The following SOD2 variants were observed in gnomAD, a reference collection of about 807,000 sequenced individuals.
SOD2 encodes the protein superoxide dismutase [Mn], mitochondrial.
Under a neutral mutation model 27.0 loss-of-function variants are expected in SOD2, and 11 were observed. The observed-to-expected ratio is 0.41, with a 90% CI of 0.26 to 0.67. SOD2 has a LOEUF of 0.67. Among genes scored for constraint, SOD2 ranks in the 30% least tolerant of loss-of-function variants. The pLI is 0.34. For synonymous variants in SOD2, 105 were observed against 103.0 expected (o/e 1.02, Z -0.12); for missense variants, 250 against 274.5 (o/e 0.91, Z 0.63).
rs1779809697 is a variant in SOD2, at chr6:159,677,773, C to T, written c.*4720G>A. On this transcript the variant is annotated 3_prime_UTR_variant, in exon 5 of 5. Coordinates refer to ENST00000538183, the MANE Select transcript of SOD2 (RefSeq NM_000636.4). ...AGCTGGGATGATAGGTGTGAGTAAC[C>T]ACAACCAGCTATTATGAGAAATATA... 1 of 152,102 alleles carries T rather than the reference C, an allele frequency of 6.6e-6. No homozygotes were observed. The highest frequency in any genetic ancestry group is 1.5e-5 in the Non-Finnish European group (1 of 68,038). The allele number at this position is 152,102 out of a possible 1,614,324, so 9.4% of individuals were successfully genotyped here.
At chr6:159,689,979 G>A (rs2758335) in intron 2 of SOD2, among the ~76,000 whole-genome samples, 115,011 of 149,944 alleles carry the variant, frequency 0.77, 44,484 homozygotes, top group South Asian at 0.85. Context: ...AAAAGAAAGA[G>A]AAAGAAAAAA....
At position 159,674,623 on chromosome 6, in the gene SOD2, A is replaced by G. The variant is rs1779736918; in HGVS notation, c.*7870T>C. 1.3e-5 allele frequency: 2 copies of G among 152,192 alleles called. No individual in the cohort carries two copies. Among genetic ancestry groups the G allele is most frequent in the South Asian group, 4.1e-4 (2 of 4,834 alleles). 9.4% of individuals were successfully genotyped at this position (152,192 alleles called of 1,614,324 possible). ...AAAATAATAAGAGCTATCTATGACA[A>G]ACCCACAGCCAATATCAGACTGAAT... On this transcript the variant is annotated 3_prime_UTR_variant, in exon 5 of 5. Coordinates refer to ENST00000538183, the MANE Select transcript of SOD2 (RefSeq NM_000636.4).
At chr6:159,727,729 C>G, upstream of SOD2, 1 of 985,354 alleles carries the variant, frequency 1.0e-6, no homozygotes, top group Non-Finnish European at 1.2e-6. Flanking sequence ...CTGGCGGGAG[C>G]GGACGCGGGG....
intron 1 of SOD2, among the ~76,000 whole-genome samples, chr6:159,710,719 C>G (rs918321332): frequency 2.6e-5 from 4 of 151,694 alleles, no homozygotes; most frequent in Non-Finnish European, 5.9e-5. Context: ...TCCATAACCA[C>G]CAGTCACACT....
At position 159,725,618 on chromosome 6, in the gene SOD2, C is replaced by T. The variant is rs2114844486; in HGVS notation, c.-116+1511G>A. 1.3e-5 allele frequency: 2 copies of T among 151,420 alleles called. 1 individual carries two copies. Among genetic ancestry groups the T allele is most frequent in the South Asian group, 4.2e-4 (2 of 4,808 alleles). 9.4% of individuals were successfully genotyped at this position (151,420 alleles called of 1,614,324 possible). ...TTTCCTTTTTTATTTACTTTTTTGG[C>T]TATGTAAAACTAAAAGTTCAAAGAC... On this transcript the variant is annotated intron_variant, in intron 1 of 2. Coordinates refer to the SOD2 transcript ENST00000401980.
chr6:159,759,024 G>T (rs1346239191), intron 1 of SOD2, among the ~76,000 whole-genome samples: 4 of 151,528 alleles, frequency 2.6e-5, no homozygotes, highest in African/African-American at 9.7e-5. Flanking sequence ...AGTCCAGGTA[G>T]TTTATGATTT....
chr6:159,756,615 T>A (rs924692739), intron 1 of SOD2, among the ~76,000 whole-genome samples: 13 of 133,648 alleles, frequency 9.7e-5, no homozygotes, highest in African/African-American at 2.9e-4. Flanking sequence ...TTTTTTTTTT[T>A]AATTGAGACA....
upstream of SOD2, among the ~76,000 whole-genome samples, chr6:159,728,238 T>C (rs754311279): frequency 7.2e-5 from 11 of 152,258 alleles, no homozygotes; most frequent in Non-Finnish European, 1.5e-4. Flanking sequence ...AATCCAAGTC[T>C]TACCTTGGAT....
intron 1 of SOD2, chr6:159,755,313 C>G (rs755909401): frequency 6.2e-7 from 1 of 1,614,242 alleles, no homozygotes; most frequent in Non-Finnish European, 8.5e-7. Flanking sequence ...GAGGGCAACA[C>G]AACCGAAGAT....
chr6:159,748,141 A>G (rs770560886), upstream of SOD2: 1 of 1,553,522 alleles, frequency 6.4e-7, no homozygotes, highest in South Asian at 1.2e-5. This position sits in a 1 kb window ranked among gnomAD's most constrained non-coding sequence, Gnocchi z 5.6. Flanking sequence ...CCACCTTCTT[A>G]TGTATGTTTC....
chr6:159,712,388 T>C (rs868042858), intron 1 of SOD2, among the ~76,000 whole-genome samples: 110 of 93,678 alleles, frequency 1.2e-3, no homozygotes, highest in Middle Eastern at 6.8e-3. Flanking sequence ...ACCACCTCCA[T>C]AACCACCACT....
At chr6:159,689,075 T>TG (rs1562422439) in intron 2 of SOD2, among the ~76,000 whole-genome samples, 1 of 152,128 alleles carries the variant, frequency 6.6e-6, no homozygotes, top group Non-Finnish European at 1.5e-5. Flanking sequence ...GAACCCTAGG[T>TG]GTTTACACTC....
intron 1 of SOD2, among the ~76,000 whole-genome samples, chr6:159,723,439 C>T (rs1340980941): frequency 6.6e-6 from 1 of 152,214 alleles, no homozygotes; most frequent in Non-Finnish European, 1.5e-5. Context: ...CTAAGCACTT[C>T]CTCTGCATTC....
At position 159,693,209 on chromosome 6, in the gene SOD2, G is replaced by A. The variant is rs1172334507; in HGVS notation, c.-42C>T. The A allele has an allele frequency of 1.3e-6, 2 of 1,506,936 alleles. No individual in the cohort carries two copies. The highest frequency in any genetic ancestry group is 2.5e-5 in the South Asian group (2 of 80,500). The allele number at this position is 1,506,936 out of a possible 1,614,324, so 93.3% of individuals were successfully genotyped here. The stretch of plus-strand genomic sequence containing the variant: ...CTACCGCTGATGCCGCCGATCTGCT[G>A]AAGCCGCTGCCGAAGCCACCACAGC... On this transcript the variant is annotated 5_prime_UTR_variant, in exon 1 of 5. Transcript: ENST00000538183.
At chr6:159,686,343 GAA>G (rs2114774260) in intron 3 of SOD2, among the ~76,000 whole-genome samples, 1 of 152,164 alleles carries the variant, frequency 6.6e-6, no homozygotes, top group South Asian at 2.1e-4. Context: ...CTAGAAGACT[GAA>G]CTCAGAAAAA....
At chr6:159,719,906 CAG>C (rs1373158971) in intron 1 of SOD2, among the ~76,000 whole-genome samples, 4 of 150,924 alleles carry the variant, frequency 2.7e-5, no homozygotes, top group African/African-American at 9.7e-5. Context: ...TATTTTTTAG[CAG>C]AGACAGGGTT....
exon 1 of SOD2, chr6:159,761,674 T>C (rs372716754): frequency 2.0e-4 from 83 of 413,570 alleles, no homozygotes; most frequent in African/African-American, 1.2e-3. Flanking sequence ...CCCCAGTCTT[T>C]ACTGTTTCGA....
chr6:159,723,481 C>T (rs1562443584), intron 1 of SOD2, among the ~76,000 whole-genome samples: 2 of 152,200 alleles, frequency 1.3e-5, no homozygotes, highest in Non-Finnish European at 1.5e-5. Context: ...TCATCTTGTA[C>T]CTTTCCCGTC....
At chr6:159,738,859 A>T in intron 1 of SOD2, 1 of 566,908 alleles carries the variant, frequency 1.8e-6, no homozygotes, top group Non-Finnish European at 2.9e-6. Flanking sequence ...GTAATAAAAT[A>T]CTTTTTCAAA....
Sources: allele counts gnomAD v4.1 joint callset (sites outside exome capture counted in the v4.1 genomes callset), GRCh38; gene constraint gnomAD v4.1.1; non-coding constraint Gnocchi (gnomAD v3.1); transcripts MANE v1.5; gene names NCBI Gene and HGNC (gene_info 2026-07-23, HGNC 2026-07-21).